SASH1: variants seen among roughly 807,000 people sequenced by gnomAD.
SASH1 encodes the protein SAM and SH3 domain containing 1, also known as SAM and SH3 domain-containing protein 1.
In SASH1, 44 loss-of-function variants were observed where a neutral mutation model predicts 125.2. The observed-to-expected ratio is 0.35, with a 90% CI of 0.28 to 0.45. The LOEUF (loss-of-function observed/expected upper bound fraction) is 0.45, where lower values mean the gene tolerates loss of function less well. Ranked by LOEUF, SASH1 falls within the 20% of genes least tolerant of loss-of-function variation. SASH1 has a pLI of 1.00. For synonymous variants in SASH1, 639 were observed against 649.1 expected (o/e 0.98, Z 0.24); for missense variants, 1,426 against 1,614.5 (o/e 0.88, Z 2.00).
the SASH1 span, among the ~76,000 whole-genome samples, chr6:148,260,377 T>A: frequency 6.6e-6 from 1 of 152,000 alleles, no homozygotes; most frequent in Non-Finnish European, 1.5e-5. Flanking sequence ...GAGGCCAAGG[T>A]GGGAGGATCA....
chr6:148,486,576 A>G (rs1172453952), intron 7 of SASH1, among the ~76,000 whole-genome samples: 2 of 152,020 alleles, frequency 1.3e-5, no homozygotes, highest in African/African-American at 4.8e-5. Context: ...ACATGGGACT[A>G]GCAACTTGAA....
At position 148,361,867 on chromosome 6, in the gene SASH1, C is replaced by T. The variant is rs529127341; in HGVS notation, c.156+18644C>T. Among the ~76,000 whole-genome samples, 16 of 151,476 alleles carry T rather than the reference C, an allele frequency of 1.1e-4. No individual in the cohort carries two copies. The South Asian group carries it at 1.9e-3, about 18-fold the overall frequency. ...GGAGAGACAGAGACAGAGGGAAGCACGGTTTCCCTGATGAATGTCCAGCAT... is the reference window on the plus strand; with the variant it reads ...GGAGAGACAGAGACAGAGGGAAGCATGGTTTCCCTGATGAATGTCCAGCAT... On this transcript the variant is annotated intron_variant, in intron 1 of 19. Coordinates refer to ENST00000367467, the MANE Select transcript of SASH1 (RefSeq NM_015278.5).
the SASH1 span, among the ~76,000 whole-genome samples, chr6:148,206,263 A>C: frequency 2.6e-5 from 4 of 152,102 alleles, no homozygotes; most frequent in African/African-American, 7.2e-5. Flanking sequence ...CCCCACCTAG[A>C]AACATACCTT....
At chr6:148,297,864 C>T (rs1367294709) in intron 1 of SASH1, among the ~76,000 whole-genome samples, 4 of 151,794 alleles carry the variant, frequency 2.6e-5, no homozygotes, top group African/African-American at 9.7e-5. Context: ...ATCTGGTGGA[C>T]CCTATTGAAG....
chr6:148,488,129 C>T (rs949719468), intron 8 of SASH1, among the ~76,000 whole-genome samples: 6 of 152,122 alleles, frequency 3.9e-5, no homozygotes, highest in Non-Finnish European at 5.9e-5. Context: ...ACTCTCCCTA[C>T]GCCCCCGCCT....
the SASH1 span, among the ~76,000 whole-genome samples, chr6:148,260,046 C>T: frequency 2.0e-5 from 3 of 152,252 alleles, no homozygotes; most frequent in South Asian, 4.1e-4. Context: ...ACCACTGCAC[C>T]TGGCCAAGTT....
chr6:148,496,091 G>A lies in SASH1; in HGVS notation c.729+8376G>A, dbSNP rs1363964156. Among the ~76,000 whole-genome samples, 6 of 151,540 alleles carry A rather than the reference G, an allele frequency of 4.0e-5. No homozygotes were observed. In the East Asian group the frequency reaches 7.7e-4, roughly 20 times the overall value. ...TCGAACTCCTGACCTCAGGTGATCC[G>A]CCTGCCTCGGCCTCCCAAAGTGCTG... On this transcript the variant is annotated intron_variant, in intron 8 of 19. Coordinates refer to ENST00000367467, the MANE Select transcript of SASH1 (RefSeq NM_015278.5).
chr6:148,332,939 A>G (rs1346784996), intron 1 of SASH1, among the ~76,000 whole-genome samples: 1 of 152,182 alleles, frequency 6.6e-6, no homozygotes, highest in Non-Finnish European at 1.5e-5. Flanking sequence ...GTGAGCCGAG[A>G]TTGTGGCACT....
chr6:148,364,231 GA>G (rs1782361336), intron 1 of SASH1, among the ~76,000 whole-genome samples: 2 of 152,072 alleles, frequency 1.3e-5, no homozygotes. Flanking sequence ...ATCCTATTAA[GA>G]AACTTCTTAT....
chr6:148,449,078 C>CTTTTTCTTTTTTTTTTTCT, intron 4 of SASH1, among the ~76,000 whole-genome samples: 31 of 88,696 alleles, frequency 3.5e-4, no homozygotes, highest in South Asian at 1.8e-3. Flanking sequence ...CATTTCATTT[C>CTTTTTCTTTTTTTTTTTCT]TTTTTTTTTT....
intron 8 of SASH1, among the ~76,000 whole-genome samples, chr6:148,501,176 C>T (rs1419011736): frequency 6.6e-6 from 1 of 152,086 alleles, no homozygotes; most frequent in Non-Finnish European, 1.5e-5. Flanking sequence ...TGCCATTTGG[C>T]TCCATCAGTT....
At chr6:148,508,638 C>A in intron 8 of SASH1, 1 of 1,151,276 alleles carries the variant, frequency 8.7e-7, no homozygotes, top group Non-Finnish European at 1.1e-6. Context: ...AGTCAGCAAG[C>A]AGAAAGAAGC....
chr6:148,466,664 TA>T (rs1442810580), intron 4 of SASH1, among the ~76,000 whole-genome samples: 1 of 152,136 alleles, frequency 6.6e-6, no homozygotes, highest in African/African-American at 2.4e-5. Context: ...TGGGCTCAAG[TA>T]GTCCTCCTGC....
intron 1 of SASH1, among the ~76,000 whole-genome samples, chr6:148,383,351 A>G (rs1783228957): frequency 6.6e-6 from 1 of 152,202 alleles, no homozygotes; most frequent in African/African-American, 2.4e-5. Flanking sequence ...ATATATCTCC[A>G]TCCATCCCTC....
At chr6:148,248,055 AAGTTCTTGGAAACCTCAC>A in the SASH1 span, among the ~76,000 whole-genome samples, 1 of 152,186 alleles carries the variant, frequency 6.6e-6, no homozygotes, top group African/African-American at 2.4e-5. Flanking sequence ...CCCTTATTTC[AAGTTCTTGGAAACCTCAC>A]AGTCACCCCT....
At chr6:148,277,191 C>T (rs772711115) in intron 1 of SASH1, among the ~76,000 whole-genome samples, 3 of 152,200 alleles carry the variant, frequency 2.0e-5, no homozygotes, top group African/African-American at 7.2e-5. Context: ...ACAACCATCA[C>T]GCAGAAATGC....
chr6:148,436,529 T>A (rs199772221), intron 2 of SASH1, among the ~76,000 whole-genome samples: 7 of 131,206 alleles, frequency 5.3e-5, no homozygotes, highest in Admixed American at 1.5e-4. Context: ...AAATAAAAAT[T>A]AAAAAAAACA....
At chr6:148,243,822 T>C in the SASH1 span, among the ~76,000 whole-genome samples, 4 of 152,032 alleles carry the variant, frequency 2.6e-5, no homozygotes, top group East Asian at 7.7e-4. Context: ...AATGGCCAGT[T>C]TTATGTTTTA....
chr6:148,210,856 T>C, the SASH1 span, among the ~76,000 whole-genome samples: 1 of 152,198 alleles, frequency 6.6e-6, no homozygotes, highest in Non-Finnish European at 1.5e-5. Flanking sequence ...CTTCAAATAT[T>C]GCTCTAAATA....
Sources: gnomAD v4.1 joint callset for allele counts (sites outside exome capture counted in the v4.1 genomes callset) on GRCh38, gnomAD v4.1.1 for gene constraint, MANE v1.5 for transcripts, NCBI Gene and HGNC (gene_info 2026-07-23, HGNC 2026-07-21) for gene names.